JMJD1C: variants seen among roughly 807,000 people sequenced by gnomAD.
JMJD1C encodes the protein jumonji domain-containing protein 1C.
In JMJD1C, 31 loss-of-function variants were observed where a neutral mutation model predicts 245.3. The observed-to-expected ratio is 0.13, with a 90% CI of 0.09 to 0.17. The LOEUF (loss-of-function observed/expected upper bound fraction) is 0.17, where lower values mean the gene tolerates loss of function less well. Among genes scored for constraint, JMJD1C ranks in the 10% least tolerant of loss-of-function variants. JMJD1C has a pLI of 1.00. For missense variants in JMJD1C, 2,691 were observed against 3,000.2 expected, an observed-to-expected ratio of 0.90 and a Z score of 2.41; for synonymous variants, 1,057 against 1,017.4, an observed-to-expected ratio of 1.04 and a Z score of -0.74.
intron 2 of JMJD1C, among the ~76,000 whole-genome samples, chr10:63,364,417 C>T (rs1017777690): frequency 3.3e-5 from 5 of 152,208 alleles, no homozygotes; most frequent in African/African-American, 9.6e-5. Flanking sequence ...GTATTTCTAT[C>T]TTGTGACCAT....
rs772885370 is a variant in JMJD1C at position 63,248,533 on chromosome 10, A to ATAGATAGATAG, written c.447+16117_447+16118insCTATCTATCTA. Among the ~76,000 whole-genome samples, 12 of 56,522 alleles carry ATAGATAGATAG rather than the reference A, an allele frequency of 2.1e-4. No homozygotes were observed. The South Asian group carries it at 3.8e-3, about 18-fold the overall frequency. 37.1% of individuals were successfully genotyped at this position (56,522 alleles called of 152,430 possible). A position where few individuals can be genotyped will look rare whatever the true frequency, so the allele number is the denominator to read the frequency against. On this transcript the variant is annotated intron_variant, in intron 3 of 25. Transcript: ENST00000399262. ...GAGACCTCATCTCAATAGATAGATA[A>ATAGATAGATAG]ATAAATAAATAAATAAATAAATAAA...
intron 2 of JMJD1C, among the ~76,000 whole-genome samples, chr10:63,281,369 C>T (rs1230678965): frequency 7.9e-6 from 1 of 126,460 alleles, no homozygotes; most frequent in African/African-American, 2.6e-5. Context: ...CCATGTCGGC[C>T]AGACTGGTTT....
At chr10:63,332,567 G>C (rs1942270782) in intron 2 of JMJD1C, among the ~76,000 whole-genome samples, 1 of 152,196 alleles carries the variant, frequency 6.6e-6, no homozygotes, top group South Asian at 2.1e-4. Flanking sequence ...TAATAGCTCT[G>C]TAACTTACCA....
At chr10:63,380,022 C>T (rs1947079576) in intron 2 of JMJD1C, among the ~76,000 whole-genome samples, 1 of 151,290 alleles carries the variant, frequency 6.6e-6, no homozygotes. Flanking sequence ...CTCACATTGA[C>T]TTGGATTCTT....
At chr10:63,215,820 C>T (rs1015978666) in intron 5 of JMJD1C, 124 bp from the exon 6 acceptor site, 5 of 601,458 alleles carry the variant, frequency 8.3e-6, no homozygotes, top group Non-Finnish European at 1.3e-5. Context: ...TTATAAGATG[C>T]TGTTATAATA....
At chr10:63,399,667 C>T (rs1202950699) in intron 1 of JMJD1C, among the ~76,000 whole-genome samples, 1 of 151,818 alleles carries the variant, frequency 6.6e-6, no homozygotes, top group Non-Finnish European at 1.5e-5. Flanking sequence ...AAAGGTATAA[C>T]CCCCAGGCAT....
intron 1 of JMJD1C, among the ~76,000 whole-genome samples, chr10:63,520,929 G>C (rs958936717): frequency 5.9e-5 from 9 of 152,220 alleles, no homozygotes; most frequent in Non-Finnish European, 1.3e-4. Flanking sequence ...TTGGTGCTGG[G>C]CCTCCGTAAA....
At chr10:63,236,447 C>G (rs1850743517) in intron 3 of JMJD1C, among the ~76,000 whole-genome samples, 1 of 152,132 alleles carries the variant, frequency 6.6e-6, no homozygotes, top group Non-Finnish European at 1.5e-5. Flanking sequence ...CTTTGTGATA[C>G]TTTTAATAAT....
chr10:63,392,313 A>G (rs998642168), intron 1 of JMJD1C, among the ~76,000 whole-genome samples: 2 of 152,196 alleles, frequency 1.3e-5, no homozygotes, highest in African/African-American at 4.8e-5. Context: ...ATTTATGCAA[A>G]GATTTTATGG....
chr10:63,172,833 A>C (rs1455052391), intron 24 of JMJD1C, among the ~76,000 whole-genome samples: 3 of 149,864 alleles, frequency 2.0e-5, no homozygotes, highest in African/African-American at 7.4e-5. Flanking sequence ...GAGGGGGGAA[A>C]CATACTTGGT....
rs1176771346 is a variant in JMJD1C, at chr10:63,317,725, T to C, written c.334-52961A>G. Reference sequence around the variant, plus strand: ...ATGCCAATGGTGCATACATAAATATTTGATATCATTCCAAAGGCCACTGAA... The same window carrying C: ...ATGCCAATGGTGCATACATAAATATCTGATATCATTCCAAAGGCCACTGAA... On this transcript the variant is annotated intron_variant, in intron 2 of 25. Transcript: ENST00000399262. Among the ~76,000 whole-genome samples, 4 of 152,318 alleles carry C rather than the reference T, an allele frequency of 2.6e-5. No homozygotes were observed. In the East Asian group the frequency reaches 5.8e-4, roughly 22 times the overall value.
intron 22 of JMJD1C, among the ~76,000 whole-genome samples, chr10:63,179,573 G>A (rs1843228961): frequency 6.6e-6 from 1 of 152,010 alleles, no homozygotes; most frequent in East Asian, 1.9e-4. Flanking sequence ...AGGAGTTTGA[G>A]ACCAGCCTGA....
At chr10:63,405,804 C>T (rs984200016) in intron 1 of JMJD1C, among the ~76,000 whole-genome samples, 2 of 152,106 alleles carry the variant, frequency 1.3e-5, no homozygotes, top group African/African-American at 4.8e-5. Context: ...TTCTCAGGGC[C>T]TGACATACAT....
chr10:63,203,662 G>C (rs560253945), intron 10 of JMJD1C: 2 of 982,276 alleles, frequency 2.0e-6, no homozygotes, highest in African/African-American at 3.5e-5. Flanking sequence ...AAAAGCGGCT[G>C]ACTTTTAATT....
intron 1 of JMJD1C, among the ~76,000 whole-genome samples, chr10:63,416,862 A>G (rs1395341658): frequency 6.6e-6 from 1 of 152,174 alleles, no homozygotes; most frequent in Non-Finnish European, 1.5e-5. Context: ...GTAAAAACTA[A>G]ACAATTGATT....
chr10:63,196,362 C>A (rs1285893423), intron 13 of JMJD1C, among the ~76,000 whole-genome samples: 1 of 152,072 alleles, frequency 6.6e-6, no homozygotes, highest in Admixed American at 6.5e-5. Context: ...TTTATGGTAG[C>A]TTACATCAAA....
Position 63,398,789 on chromosome 10 carries a change from C to T in JMJD1C, c.169-18307G>A, listed in dbSNP as rs980411495. Among the ~76,000 whole-genome samples, 12 of 152,052 alleles carry T rather than the reference C, an allele frequency of 7.9e-5. No homozygotes were observed. The East Asian group carries it at 1.5e-3, about 20-fold the overall frequency. On this transcript the variant is annotated intron_variant, in intron 1 of 25. Coordinates refer to ENST00000399262, the MANE Select transcript of JMJD1C (RefSeq NM_032776.3). ...CACCTGAGTAACCTGGGATTACAGG[C>T]GTGTGCCATCACATCCAGCTAATTT...
chr10:63,189,145 C>T, intron 18 of JMJD1C, 23 bp downstream of exon 18: 1 of 1,569,988 alleles, frequency 6.4e-7, no homozygotes, highest in Non-Finnish European at 8.6e-7. Flanking sequence ...CAAGAGTGTT[C>T]TTTATCAGCC....
At chr10:63,390,805 A>G (rs1947991959) in intron 1 of JMJD1C, among the ~76,000 whole-genome samples, 1 of 152,200 alleles carries the variant, frequency 6.6e-6, no homozygotes. Context: ...TCCCTTCATA[A>G]TAAAAACTCT....
Sources: allele counts gnomAD v4.1 joint callset (sites outside exome capture counted in the v4.1 genomes callset), GRCh38; gene constraint gnomAD v4.1.1; transcripts MANE v1.5; gene names NCBI Gene and HGNC (gene_info 2026-07-23, HGNC 2026-07-21).